Variants in GLS observed in about 807,000 individuals in gnomAD.
GLS encodes the protein glutaminase kidney isoform, mitochondrial.
GLS carries 36 observed loss-of-function variants against 86.7 expected under a neutral mutation model. The ratio of observed to expected loss-of-function variants is 0.42; its 90% CI spans 0.32 to 0.55. The LOEUF (loss-of-function observed/expected upper bound fraction) is 0.55. GLS is among the 20% of genes least tolerant of loss of function. GLS has a pLI of 0.17. For missense variants in GLS, 528 were observed against 833.4 expected, an observed-to-expected ratio of 0.63 and a Z score of 4.51; for synonymous variants, 317 against 305.9, an observed-to-expected ratio of 1.04 and a Z score of -0.38.
intron 5 of GLS, among the ~76,000 whole-genome samples, chr2:190,904,801 A>T (rs1052325451): frequency 3.3e-5 from 5 of 152,162 alleles, no homozygotes; most frequent in Non-Finnish European, 7.4e-5. Context: ...GTTTGGTATC[A>T]CAGGGATTCC....
In GLS at chr2:190,897,639, C is replaced by G. The variant is rs1688790510; in HGVS notation, c.605+1914C>G. Among the ~76,000 whole-genome samples the G allele has an allele frequency of 6.6e-6, 1 of 152,108 alleles. No individual in the cohort carries two copies. The highest frequency in any genetic ancestry group is 1.5e-5 in the Non-Finnish European group (1 of 68,028). On this transcript the variant is annotated intron_variant, in intron 3 of 17. Transcript: ENST00000320717. This position sits in a 1 kb window ranked among gnomAD's most constrained non-coding sequence, Gnocchi z 4.3. Reference sequence around the variant, plus strand: ...TAACCTTTTAATAGCTTTCAGTCACCTGGAAAGGTGATTGCTTCAGAGATG... The same window carrying G: ...TAACCTTTTAATAGCTTTCAGTCACGTGGAAAGGTGATTGCTTCAGAGATG...
chr2:190,955,378 G>A lies in GLS; in HGVS notation c.1853+560G>A, dbSNP rs930286232. On this transcript the variant is annotated intron_variant, in intron 17 of 17. Transcript: ENST00000320717. The surrounding 1 kb of genome is among the most constrained non-coding windows in gnomAD (Gnocchi z 5.6). ...CCACTTACGAGGGAGAACATGAAGT[G>A]TTTGGTTTTCTGTTCTTGTGTTAGT... Among the ~76,000 whole-genome samples the A allele has an allele frequency of 6.6e-6, 1 of 152,162 alleles. No homozygotes were observed.
intron 17 of GLS, among the ~76,000 whole-genome samples, chr2:190,959,418 A>C (rs1050498773): frequency 5.9e-5 from 9 of 152,140 alleles, no homozygotes; most frequent in Non-Finnish European, 1.2e-4. Flanking sequence ...TAGCCCATTT[A>C]CATTTAAGGT....
chr2:190,921,059 A>G lies in GLS; in HGVS notation c.1071+3A>G. 6.3e-7 allele frequency: 1 copy of G among 1,584,810 alleles called. No homozygotes were observed. Among genetic ancestry groups the G allele is most frequent in the Non-Finnish European group, 8.7e-7 (1 of 1,154,142 alleles). On this transcript the variant is annotated splice_donor_region_variant and intron_variant, in intron 8 of 17. Transcript: ENST00000320717. The surrounding 1 kb of genome is among the most constrained non-coding windows in gnomAD (Gnocchi z 4.2). ...ATAATGCTGAAAAATTTGACTATGT[A>G]AGTGCAACATGTCATTCAGTTTTCA...
rs1430909643 is a variant in GLS, at chr2:190,956,966, CTT to C, written c.1853+2150_1853+2151del. 1.3e-5 allele frequency among the ~76,000 whole-genome samples: 2 copies of C among 152,164 alleles called. No homozygotes were observed. The highest frequency in any genetic ancestry group is 1.3e-4 in the Admixed American group (2 of 15,270). Reference sequence around the variant, plus strand: ...TGCACATTGATTTTGTATCTTGAGACTTTGCTGAAGTTGCTTATCAGCTTAAG... The same window carrying C: ...TGCACATTGATTTTGTATCTTGAGACTGCTGAAGTTGCTTATCAGCTTAAG... On this transcript the variant is annotated intron_variant, in intron 17 of 17. Coordinates refer to ENST00000320717, the MANE Select transcript of GLS (RefSeq NM_014905.5). This position sits in a 1 kb window ranked among gnomAD's most constrained non-coding sequence, Gnocchi z 4.2.
rs898572893 is a variant in GLS, at chr2:190,964,404, G to GTTGT, written c.*1420_*1423dup. 3 of 93,238 alleles carry GTTGT rather than the reference G, an allele frequency of 3.2e-5. No individual in the cohort carries two copies. The highest frequency in any genetic ancestry group is 1.0e-4 in the African/African-American group (3 of 29,178). 5.8% of individuals were successfully genotyped at this position (93,238 alleles called of 1,614,324 possible). The stretch of plus-strand genomic sequence containing the variant: ...AATGAGCTCAAGTACATGAATGTTA[G>GTTGT]TTGTTATCACATACAGCAAATTCCT... On this transcript the variant is annotated 3_prime_UTR_variant, in exon 18 of 18. Transcript: ENST00000320717. The surrounding 1 kb of genome is among the most constrained non-coding windows in gnomAD (Gnocchi z 5.2).
chr2:190,881,518 G>A (rs377700631), intron 1 of GLS, 48 bp downstream of exon 1: 108 of 1,509,586 alleles, frequency 7.2e-5, no homozygotes, highest in Non-Finnish European at 9.2e-5. Context: ...TTCGGGGCCC[G>A]GGCTCAGGCT....
Position 190,930,610 on chromosome 2 carries a change from G to A in GLS, c.1557+42G>A, listed in dbSNP as rs755761681. Reference sequence around the variant, plus strand: ...AATGTAAATAATGGTGTTACAAGTTGAGCCATCCAATGATTCTTTTTTTTA... The same window carrying A: ...AATGTAAATAATGGTGTTACAAGTTAAGCCATCCAATGATTCTTTTTTTTA... On this transcript the variant is annotated intron_variant, in intron 13 of 17. Transcript: ENST00000320717. This position sits in a 1 kb window ranked among gnomAD's most constrained non-coding sequence, Gnocchi z 5.0. 4.5e-6 allele frequency: 7 copies of A among 1,566,030 alleles called. No individual in the cohort carries two copies. The African/African-American group carries it at 5.5e-5, about 12-fold the overall frequency.
chr2:190,939,608 CTA>C (rs1690370138), intron 14 of GLS, among the ~76,000 whole-genome samples: 1 of 151,508 alleles, frequency 6.6e-6, no homozygotes, highest in Non-Finnish European at 1.5e-5. Context: ...CTTTTTAGAT[CTA>C]GATGAGAATT....
intron 4 of GLS, among the ~76,000 whole-genome samples, chr2:190,901,464 A>G (rs1020650356): frequency 1.3e-5 from 2 of 152,052 alleles, no homozygotes; most frequent in African/African-American, 4.8e-5. Flanking sequence ...GGAAGCAGAA[A>G]AGAATCTGCA....
chr2:190,960,218 A>C (rs938567908), intron 17 of GLS, among the ~76,000 whole-genome samples: 1 of 152,162 alleles, frequency 6.6e-6, no homozygotes, highest in African/African-American at 2.4e-5. Context: ...ATAAAAGTTT[A>C]GAATGGGAAA....
chr2:190,929,667 G>C (rs1248404023), intron 12 of GLS, among the ~76,000 whole-genome samples: 6 of 151,754 alleles, frequency 4.0e-5, no homozygotes, highest in Admixed American at 3.9e-4. Context: ...ACGGAGTTTT[G>C]CCATGTTGCC....
intron 3 of GLS, chr2:190,896,398 C>T (rs1688741998): frequency 6.6e-6 from 1 of 152,048 alleles, no homozygotes; most frequent in African/African-American, 2.4e-5. Flanking sequence ...TGTAATGGAT[C>T]CCAAAGAATC....
chr2:190,884,959 G>A (rs1688323250), intron 1 of GLS, among the ~76,000 whole-genome samples: 1 of 152,182 alleles, frequency 6.6e-6, no homozygotes, highest in Non-Finnish European at 1.5e-5. Context: ...TAGCTGTGAT[G>A]TGGTAGTTGG....
chr2:190,936,984 A>C (rs1690289720), intron 14 of GLS, among the ~76,000 whole-genome samples: 1 of 151,190 alleles, frequency 6.6e-6, no homozygotes, highest in Admixed American at 6.6e-5. Context: ...TTTATATTTA[A>C]TGTTGTATTT....
In GLS at chr2:190,953,950, A is replaced by ATG. The variant is rs57991546; in HGVS notation, c.1712+369_1712+370dup. On this transcript the variant is annotated intron_variant, in intron 15 of 17. Coordinates refer to ENST00000320717, the MANE Select transcript of GLS (RefSeq NM_014905.5). This position sits in a 1 kb window ranked among gnomAD's most constrained non-coding sequence, Gnocchi z 4.0. Reference sequence around the variant, plus strand: ...CTACCCTCCATTCCCAATCTTTGATATGTGTGTGTGTGTGTGTGTGTGTGT... The same window carrying ATG: ...CTACCCTCCATTCCCAATCTTTGATATGTGTGTGTGTGTGTGTGTGTGTGTGT... Among the ~76,000 whole-genome samples, 9,454 of 136,618 alleles carry ATG rather than the reference A, an allele frequency of 0.069. 454 individuals are homozygous for ATG. Among genetic ancestry groups the ATG allele is most frequent in the African/African-American group, 0.13 (4,660 of 36,164 alleles). 89.6% of individuals were successfully genotyped at this position (136,618 alleles called of 152,430 possible). A position where few individuals can be genotyped will look rare whatever the true frequency, so the allele number is the denominator to read the frequency against.
At chr2:190,960,177 A>AGT (rs1434888953) in intron 17 of GLS, among the ~76,000 whole-genome samples, 2 of 152,076 alleles carry the variant, frequency 1.3e-5, no homozygotes, top group African/African-American at 4.8e-5. Context: ...TATGTACTGG[A>AGT]GTAGAGTATA....
chr2:190,942,119 T>G (rs1189105560), intron 14 of GLS, among the ~76,000 whole-genome samples: 1 of 128,530 alleles, frequency 7.8e-6, no homozygotes, highest in Non-Finnish European at 1.6e-5. Flanking sequence ...TTGCTCTGTC[T>G]CCCAGGCTGG....
Position 190,949,059 on chromosome 2 carries a change from G to A in GLS, c.1651-4506G>A, listed in dbSNP as rs1039891324. Among the ~76,000 whole-genome samples, 1 of 152,028 alleles carries A rather than the reference G, an allele frequency of 6.6e-6. No individual in the cohort carries two copies. The highest frequency in any genetic ancestry group is 6.5e-5 in the Admixed American group (1 of 15,270). On this transcript the variant is annotated intron_variant, in intron 14 of 17. Coordinates refer to ENST00000320717, the MANE Select transcript of GLS (RefSeq NM_014905.5). The surrounding 1 kb of genome is among the most constrained non-coding windows in gnomAD (Gnocchi z 4.0). ...CTTTCGGGCTAGTCTTTGAGGGAAGGGAAGGATTTGATTAGGAATCTGGGT... is the reference window on the plus strand; with the variant it reads ...CTTTCGGGCTAGTCTTTGAGGGAAGAGAAGGATTTGATTAGGAATCTGGGT...
Sources: allele counts gnomAD v4.1 joint callset (sites outside exome capture counted in the v4.1 genomes callset), GRCh38; gene constraint gnomAD v4.1.1; non-coding constraint Gnocchi (gnomAD v3.1); transcripts MANE v1.5; gene names NCBI Gene and HGNC (gene_info 2026-07-23, HGNC 2026-07-21).